Variants in NUDT11 observed in about 807,000 individuals in gnomAD.
NUDT11 encodes the protein nudix hydrolase 11.
NUDT11 carries 1 observed loss-of-function variant against 10.0 expected under a neutral mutation model. That is an observed-to-expected ratio of 0.10 (90% CI 0.04 to 0.47). The LOEUF is 0.47. Among genes scored for constraint, NUDT11 ranks in the 20% least tolerant of loss-of-function variants. NUDT11 has a pLI of 0.96. For missense variants in NUDT11, 47 were observed against 140.4 expected (o/e 0.33, Z 3.36); for synonymous variants, 63 against 65.9 (o/e 0.96, Z 0.21).
chrX:51,494,675 G>A (rs1174448216), intron 1 of NUDT11, among the ~76,000 whole-genome samples: 1 of 110,900 alleles, frequency 9.0e-6, no homozygotes, highest in Non-Finnish European at 1.9e-5. Flanking sequence ...GGTATTAAAA[G>A]ACAGGAGAGC....
rs1331778299 is a variant in NUDT11, at chrX:51,495,932, G to C, written c.494+19C>G. ...GAGGCAGACAAATAGAAGTCTGCGC[G>C]AGCGCAAGCGGTACATACTAGGGAT... is the stretch of plus-strand genomic sequence containing the variant. On this transcript the variant is annotated intron_variant, in intron 1 of 1. Coordinates refer to ENST00000375992, the MANE Select transcript of NUDT11 (RefSeq NM_018159.4). The C allele has an allele frequency of 2.5e-6, 3 of 1,206,232 alleles. No individual in the cohort carries two copies. The East Asian group carries it at 8.9e-5, about 36-fold the overall frequency.
intron 1 of NUDT11, among the ~76,000 whole-genome samples, chrX:51,494,152 CCATGA>C (rs1380981723): frequency 8.9e-6 from 1 of 111,796 alleles, no homozygotes; most frequent in Non-Finnish European, 1.9e-5. Flanking sequence ...CAACAAATAA[CCATGA>C]CATAAGTTTA....
chrX:51,496,156 C>T lies in NUDT11; in HGVS notation c.289G>A (p.Val97Ile). The change falls in exon 1 of 2, where the codon GTA becomes ATA. Residue 97 changes from valine to isoleucine, a missense_variant. By Grantham distance (29) the Val-to-Ile change is conservative. Coordinates refer to ENST00000375992, the MANE Select transcript of NUDT11 (RefSeq NM_018159.4). ...TCCAGCAGCTCCGTGACAGTCAGTA[C>T]ATACACGTACGTTCTGTGCTTGCGA... Reference protein sequence around the residue: ...QDRKHRTYVYVLTVTELLEDW... With the variant: ...QDRKHRTYVYILTVTELLEDW... The T allele has an allele frequency of 1.7e-6, 2 of 1,211,857 alleles. No individual in the cohort carries two copies. Among genetic ancestry groups the T allele is most frequent in the Non-Finnish European group, 2.2e-6 (2 of 895,449 alleles).
In NUDT11 at chrX:51,496,258, C is replaced by G. The variant is rs1294726282; in HGVS notation, c.187G>C (p.Val63Leu). Residue 63 changes from valine to leucine, a missense_variant, in exon 1 of 2, where the codon GTC becomes CTC. Transcript: ENST00000375992. The stretch of plus-strand genomic sequence containing the variant: ...CCCGCTTCTTCGTACACCTCTCGGA[C>G]CGCCGCACCGCCCGGCTCCTCCTCG... ...EPEEEPGGAA[V>L]REVYEEAGVK... 3 of 1,208,769 alleles carry G rather than the reference C, an allele frequency of 2.5e-6. No individual in the cohort carries two copies. Among genetic ancestry groups the G allele is most frequent in the South Asian group, 1.8e-5 (1 of 56,563 alleles).
At position 51,490,600 on chromosome X, in the gene NUDT11, T is replaced by TA. The variant is rs1427432600; in HGVS notation, c.*1148dup. ...GGCAGCTGATGCAAGTCCTCTTTTT[T>TA]AAAAAAACCTTCACTTTGTGTTCCC... On this transcript the variant is annotated 3_prime_UTR_variant, in exon 2 of 2. Transcript: ENST00000375992. The TA allele has an allele frequency of 3.6e-5, 4 of 111,926 alleles. No homozygotes were observed. The highest frequency in any genetic ancestry group is 5.6e-4 in the East Asian group (2 of 3,570). 9.2% of individuals were successfully genotyped at this position (111,926 alleles called of 1,213,427 possible).
chrX:51,495,907 G>A lies in NUDT11; in HGVS notation c.494+44C>T, dbSNP rs376491696. On this transcript the variant is annotated intron_variant, in intron 1 of 1. Coordinates refer to ENST00000375992, the MANE Select transcript of NUDT11 (RefSeq NM_018159.4). ...GCTCCAGGCGGGACGCATTTTAAGC[G>A]AGGCAGACAAATAGAAGTCTGCGCG... 71 of 1,195,944 alleles carry A rather than the reference G, an allele frequency of 5.9e-5. No individual in the cohort carries two copies. The Admixed American group carries it at 9.1e-4, about 15-fold the overall frequency.
At chrX:51,495,864 G>T (rs1421222651) in intron 1 of NUDT11, 87 bp downstream of exon 1, 33 of 1,143,691 alleles carry the variant, frequency 2.9e-5, no homozygotes, top group Non-Finnish European at 3.7e-5. Context: ...CCGTGAGACC[G>T]CACATGGCAC....
At position 51,491,368 on chromosome X, in the gene NUDT11, A is replaced by G. The variant is rs969037004; in HGVS notation, c.*381T>C. ...GAATGTTTTGCCACACGGTGATTAC[A>G]AAATATTAATTGAATCAAAGAACCT... On this transcript the variant is annotated 3_prime_UTR_variant, in exon 2 of 2. Coordinates refer to ENST00000375992, the MANE Select transcript of NUDT11 (RefSeq NM_018159.4). The G allele has an allele frequency of 6.4e-6, 1 of 157,126 alleles. No individual in the cohort carries two copies. Among genetic ancestry groups the G allele is most frequent in the African/African-American group, 3.1e-5 (1 of 32,721 alleles). The allele number at this position is 157,126 out of a possible 1,213,427, so 12.9% of individuals were successfully genotyped here.
intron 1 of NUDT11, among the ~76,000 whole-genome samples, chrX:51,495,295 T>C (rs1255024474): frequency 5.4e-5 from 6 of 111,699 alleles, no homozygotes; most frequent in Admixed American, 3.8e-4. Flanking sequence ...AAAGTGACTG[T>C]AGAGTGCAGA....
intron 1 of NUDT11, among the ~76,000 whole-genome samples, chrX:51,494,621 A>C (rs1375240846): frequency 1.6e-5 from 1 of 61,917 alleles, no homozygotes; most frequent in Non-Finnish European, 3.7e-5. Context: ...GGGGGCAGCA[A>C]AAAAAAAAAA....
chrX:51,491,567 C>A lies in NUDT11; in HGVS notation c.*182G>T. On this transcript the variant is annotated 3_prime_UTR_variant, in exon 2 of 2. Coordinates refer to ENST00000375992, the MANE Select transcript of NUDT11 (RefSeq NM_018159.4). ...AAGAGTCTATTCACGTATAAGAGTA[C>A]AACAACCAGAGCAAGAGTCAGTGGT... 2.3e-6 allele frequency: 1 copy of A among 442,933 alleles called. No homozygotes were observed. The highest frequency in any genetic ancestry group is 4.0e-6 in the Non-Finnish European group (1 of 251,584). 36.5% of individuals were successfully genotyped at this position (442,933 alleles called of 1,213,427 possible).
chrX:51,495,823 G>A (rs1370427427), intron 1 of NUDT11, 128 bp downstream of exon 1: 37 of 1,007,141 alleles, frequency 3.7e-5, no homozygotes, highest in African/African-American at 7.7e-5. Flanking sequence ...CAGAGGGTCT[G>A]CCAAGGAAAC....
chrX:51,496,586 T>A lies in NUDT11; in HGVS notation c.-142A>T, dbSNP rs1455036067. ...CGAGGGGCGGGGAAAGAGAGGCGCCTCCGTCTGCCCGCGAGCCCGGGGAGC... is the reference window on the plus strand; with the variant it reads ...CGAGGGGCGGGGAAAGAGAGGCGCCACCGTCTGCCCGCGAGCCCGGGGAGC... On this transcript the variant is annotated 5_prime_UTR_variant, in exon 1 of 2. Coordinates refer to ENST00000375992, the MANE Select transcript of NUDT11 (RefSeq NM_018159.4). 47 of 1,008,762 alleles carry A rather than the reference T, an allele frequency of 4.7e-5. No individual in the cohort carries two copies. Among genetic ancestry groups the A allele is most frequent in the Non-Finnish European group, 5.8e-5 (44 of 764,845 alleles). The allele number at this position is 1,008,762 out of a possible 1,213,427, so 83.1% of individuals were successfully genotyped here. A position where few individuals can be genotyped will look rare whatever the true frequency, so the allele number is the denominator to read the frequency against.
At position 51,490,197 on chromosome X, in the gene NUDT11, A is replaced by T. The variant is rs1925562765; in HGVS notation, c.*1552T>A. 1 of 111,503 alleles carries T rather than the reference A, an allele frequency of 9.0e-6. No individual in the cohort carries two copies. The highest frequency in any genetic ancestry group is 3.8e-4 in the South Asian group (1 of 2,629). 9.2% of individuals were successfully genotyped at this position (111,503 alleles called of 1,213,427 possible). ...TTGAAGCGAATACCAGTAACATATCATTTCACCTGTACATTTTTCAGTATA... is the reference window on the plus strand; with the variant it reads ...TTGAAGCGAATACCAGTAACATATCTTTTCACCTGTACATTTTTCAGTATA... On this transcript the variant is annotated 3_prime_UTR_variant, in exon 2 of 2. Transcript: ENST00000375992.
intron 1 of NUDT11, among the ~76,000 whole-genome samples, chrX:51,495,577 T>C (rs1472125883): frequency 9.0e-6 from 1 of 110,697 alleles, no homozygotes; most frequent in Non-Finnish European, 1.9e-5. Flanking sequence ...ACCAAAAACA[T>C]CACAGGGCGC....
At chrX:51,493,906 G>C (rs1233496081) in intron 1 of NUDT11, among the ~76,000 whole-genome samples, 1 of 111,718 alleles carries the variant, frequency 9.0e-6, no homozygotes, top group South Asian at 3.7e-4. Context: ...TAGAAAGTAC[G>C]AGTTAAGTCT....
Position 51,496,566 on chromosome X carries a change from G to A in NUDT11, c.-122C>T, listed in dbSNP as rs1431918807. 1 of 1,073,698 alleles carries A rather than the reference G, an allele frequency of 9.3e-7. No individual in the cohort carries two copies. The highest frequency in any genetic ancestry group is 1.2e-6 in the Non-Finnish European group (1 of 815,532). 88.5% of individuals were successfully genotyped at this position (1,073,698 alleles called of 1,213,427 possible). On this transcript the variant is annotated 5_prime_UTR_variant, in exon 1 of 2. Coordinates refer to ENST00000375992, the MANE Select transcript of NUDT11 (RefSeq NM_018159.4). ...GGGAAGAGAAAGGGCCGAGGCGAGG[G>A]GCGGGGAAAGAGAGGCGCCTCCGTC...
In NUDT11 at chrX:51,494,874, A is replaced by T. The variant is rs782518866; in HGVS notation, c.494+1077T>A. Among the ~76,000 whole-genome samples, 15 of 112,247 alleles carry T rather than the reference A, an allele frequency of 1.3e-4. No individual in the cohort carries two copies. The East Asian group carries it at 2.5e-3, about 19-fold the overall frequency. On this transcript the variant is annotated intron_variant, in intron 1 of 1. Transcript: ENST00000375992. ...AGCTGAACATCACTAGAGCTAACTCAGTTGGGATGTAATCACCATAAAAGA... is the reference window on the plus strand; with the variant it reads ...AGCTGAACATCACTAGAGCTAACTCTGTTGGGATGTAATCACCATAAAAGA...
At chrX:51,493,025 G>A (rs1557326336) in intron 1 of NUDT11, among the ~76,000 whole-genome samples, 1 of 112,329 alleles carries the variant, frequency 8.9e-6, no homozygotes, top group African/African-American at 3.2e-5. Context: ...TGCAAATAAA[G>A]CAACAAAATT....
Sources: gnomAD v4.1 joint callset for allele counts (sites outside exome capture counted in the v4.1 genomes callset) on GRCh38, gnomAD v4.1.1 for gene constraint, MANE v1.5 for transcripts, NCBI Gene and HGNC (gene_info 2026-07-23, HGNC 2026-07-21) for gene names.